Variants in ADAM22 observed in about 807,000 individuals in gnomAD.
The protein encoded by ADAM22 is ADAM metallopeptidase domain 22.
A neutral mutation model predicts 144.6 loss-of-function variants in ADAM22; 65 were observed. That is an observed-to-expected ratio of 0.45 (90% CI 0.37 to 0.55). ADAM22 has a LOEUF of 0.55. ADAM22 is among the 20% of genes least tolerant of loss of function. The pLI is 0.00. For synonymous variants in ADAM22, 391 were observed against 412.6 expected (o/e 0.95, Z 0.63); for missense variants, 974 against 1,184.9 (o/e 0.82, Z 2.61).
intron 14 of ADAM22, among the ~76,000 whole-genome samples, chr7:88,139,617 G>C (rs1225896610): frequency 6.6e-6 from 1 of 152,070 alleles, no homozygotes; most frequent in Non-Finnish European, 1.5e-5. Context: ...TGGCTTGGTT[G>C]GTCACTTACT....
chr7:88,135,191 T>C (rs1341484982), intron 13 of ADAM22, among the ~76,000 whole-genome samples: 2 of 132,992 alleles, frequency 1.5e-5, no homozygotes, highest in Non-Finnish European at 3.0e-5. Context: ...GGCAGGAGAA[T>C]CACTTGAACC....
intron 3 of ADAM22, among the ~76,000 whole-genome samples, chr7:88,019,408 G>A (rs1452629639): frequency 5.3e-5 from 8 of 152,178 alleles, no homozygotes; most frequent in Admixed American, 5.2e-4. Context: ...CTGGGAGGTG[G>A]AGGTTGCAGT....
chr7:87,947,938 GA>G (rs1844115115), intron 2 of ADAM22, among the ~76,000 whole-genome samples: 1 of 152,152 alleles, frequency 6.6e-6, no homozygotes, highest in African/African-American at 2.4e-5. Flanking sequence ...TTGACTGAAT[GA>G]AATTGTTGAT....
chr7:88,012,519 C>T (rs903428901), intron 3 of ADAM22, among the ~76,000 whole-genome samples: 4 of 152,168 alleles, frequency 2.6e-5, no homozygotes, highest in Admixed American at 6.5e-5. Flanking sequence ...ATTGCTTTAG[C>T]TGTAGGTGCC....
chr7:88,061,094 ACT>A (rs1809716823), intron 3 of ADAM22, among the ~76,000 whole-genome samples: 2 of 151,314 alleles, frequency 1.3e-5, no homozygotes, highest in South Asian at 4.2e-4. Flanking sequence ...ACAGAGCAAG[ACT>A]CTGTCTCAAA....
Position 88,129,344 on chromosome 7 carries a change from G to A in ADAM22, c.753+668G>A, listed in dbSNP as rs141287910. 6.6e-5 allele frequency among the ~76,000 whole-genome samples: 10 copies of A among 152,074 alleles called. No homozygotes were observed. The East Asian group carries it at 7.7e-4, about 12-fold the overall frequency. On this transcript the variant is annotated intron_variant, in intron 9 of 31. Transcript: ENST00000413139. ...CTAAAAATGTTTAATGATGCATATT[G>A]CTGAATTTTACTTAAGTTCAGGTAC...
At chr7:87,985,624 A>G (rs1788291382) in intron 3 of ADAM22, among the ~76,000 whole-genome samples, 1 of 152,154 alleles carries the variant, frequency 6.6e-6, no homozygotes, top group Non-Finnish European at 1.5e-5. Flanking sequence ...AAGTTCATCC[A>G]TGCTATATGT....
rs914256972 is a variant in ADAM22 at position 88,038,708 on chromosome 7, C to T, written c.324-36918C>T. Among the ~76,000 whole-genome samples, 2 of 151,920 alleles carry T rather than the reference C, an allele frequency of 1.3e-5. 1 individual carries two copies. The highest frequency in any genetic ancestry group is 4.8e-5 in the African/African-American group (2 of 41,378). On this transcript the variant is annotated intron_variant, in intron 3 of 31. Transcript: ENST00000413139. ...GACCTCGTGATCCGCCCGTCTCGGCCTCCCAAAGTGCTGGGATTACAGGCA... is the reference window on the plus strand; with the variant it reads ...GACCTCGTGATCCGCCCGTCTCGGCTTCCCAAAGTGCTGGGATTACAGGCA...
At chr7:88,182,070 C>A in intron 29 of ADAM22, 46 bp downstream of exon 29, 1 of 1,484,820 alleles carries the variant, frequency 6.7e-7, no homozygotes, top group Non-Finnish European at 9.3e-7. Flanking sequence ...AGGTCCTGTG[C>A]AAATAGTGTC....
chr7:88,190,082 C>T (rs1849276431), intron 30 of ADAM22, among the ~76,000 whole-genome samples: 2 of 152,198 alleles, frequency 1.3e-5, no homozygotes, highest in Admixed American at 1.3e-4. Flanking sequence ...TCCTTGGGTG[C>T]AGAACTGAAC....
chr7:88,046,809 C>G (rs572665405), intron 3 of ADAM22, among the ~76,000 whole-genome samples: 2 of 152,274 alleles, frequency 1.3e-5, no homozygotes, highest in African/African-American at 4.8e-5. Context: ...AACACTATTA[C>G]AGTTAGGTTA....
chr7:88,189,986 C>A (rs1849255411), intron 30 of ADAM22, among the ~76,000 whole-genome samples: 1 of 152,016 alleles, frequency 6.6e-6, no homozygotes, highest in African/African-American at 2.4e-5. Context: ...CCTGGATCAA[C>A]CTACTATAAA....
intron 2 of ADAM22, among the ~76,000 whole-genome samples, chr7:87,971,292 A>G (rs906710337): frequency 6.6e-6 from 1 of 152,176 alleles, no homozygotes; most frequent in Admixed American, 6.5e-5. Context: ...TTTATTCATT[A>G]GAACCCAGTA....
At chr7:88,101,393 G>A (rs915072430) in intron 4 of ADAM22, among the ~76,000 whole-genome samples, 2 of 152,038 alleles carry the variant, frequency 1.3e-5, no homozygotes, top group African/African-American at 4.8e-5. Flanking sequence ...TTGCAGGGGC[G>A]GGTGTTTGGA....
intron 14 of ADAM22, among the ~76,000 whole-genome samples, chr7:88,140,235 A>T (rs759240685): frequency 6.6e-6 from 1 of 152,012 alleles, no homozygotes; most frequent in East Asian, 1.9e-4. Context: ...ATATTTTAAC[A>T]TGAGATTTTG....
At chr7:88,068,056 G>T (rs1811741871) in intron 3 of ADAM22, among the ~76,000 whole-genome samples, 1 of 152,046 alleles carries the variant, frequency 6.6e-6, no homozygotes, top group South Asian at 2.1e-4. Context: ...ATAGATAACA[G>T]TTTTGGCACT....
intron 23 of ADAM22, among the ~76,000 whole-genome samples, chr7:88,164,109 T>C (rs965509991): frequency 6.6e-6 from 1 of 152,080 alleles, no homozygotes; most frequent in Admixed American, 6.6e-5. Context: ...AGAGCAGACA[T>C]GTACTAAGTA....
At chr7:87,964,375 G>GAA (rs1190536858) in intron 2 of ADAM22, among the ~76,000 whole-genome samples, 66 of 152,176 alleles carry the variant, frequency 4.3e-4, no homozygotes, top group African/African-American at 1.5e-3. Flanking sequence ...AAGATGATTT[G>GAA]GAGTCAGTGT....
chr7:88,171,682 C>CCTG, intron 26 of ADAM22, 121 bp downstream of exon 26: 1 of 776,390 alleles, frequency 1.3e-6, no homozygotes, highest in Non-Finnish European at 1.9e-6. Flanking sequence ...TAATCATACA[C>CCTG]TAATCGATTT....
Sources: allele counts gnomAD v4.1 joint callset (sites outside exome capture counted in the v4.1 genomes callset), GRCh38; gene constraint gnomAD v4.1.1; transcripts MANE v1.5; gene names NCBI Gene and HGNC (gene_info 2026-07-23, HGNC 2026-07-21).